Variants in RIT2 observed in about 807,000 individuals in gnomAD.
The protein encoded by RIT2 is Ras like without CAAX 2.
RIT2 carries 24 observed loss-of-function variants against 23.7 expected under a neutral mutation model. The ratio of observed to expected loss-of-function variants is 1.01; its 90% CI spans 0.73 to 1.43. RIT2 has a LOEUF of 1.43. RIT2 is among the 40% of genes most tolerant of loss of function. RIT2 has a pLI of 0.00. For synonymous variants in RIT2, 107 were observed against 91.1 expected (o/e 1.17, Z -0.99); for missense variants, 236 against 266.9 (o/e 0.88, Z 0.81).
chr18:42,784,772 C>T (rs528251717), intron 4 of RIT2, among the ~76,000 whole-genome samples: 8 of 152,146 alleles, frequency 5.3e-5, no homozygotes, highest in African/African-American at 1.9e-4. Context: ...TTGAATTACC[C>T]TAGCATTCTT....
intron 2 of RIT2, among the ~76,000 whole-genome samples, chr18:42,988,412 C>G (rs1297829972): frequency 6.6e-6 from 1 of 152,072 alleles, no homozygotes; most frequent in Non-Finnish European, 1.5e-5. Flanking sequence ...CAGATAATGA[C>G]AATTTCTAGA....
chr18:42,876,719 T>C (rs1043115151), intron 4 of RIT2, among the ~76,000 whole-genome samples: 5 of 151,768 alleles, frequency 3.3e-5, no homozygotes, highest in African/African-American at 1.2e-4. Flanking sequence ...TTCTAATAAG[T>C]AATAGCCAAG....
At chr18:42,788,083 A>G (rs1248043410) in intron 4 of RIT2, among the ~76,000 whole-genome samples, 3 of 152,068 alleles carry the variant, frequency 2.0e-5, no homozygotes, top group Admixed American at 2.0e-4. Context: ...TTTATATGTT[A>G]ACATAAATAA....
At chr18:42,799,856 A>G (rs1905475929) in intron 4 of RIT2, among the ~76,000 whole-genome samples, 1 of 152,216 alleles carries the variant, frequency 6.6e-6, no homozygotes, top group Non-Finnish European at 1.5e-5. Flanking sequence ...ACCTCAACAC[A>G]AAGCAGCCTT....
At chr18:42,847,678 G>T (rs1208922100) in intron 4 of RIT2, among the ~76,000 whole-genome samples, 2 of 151,782 alleles carry the variant, frequency 1.3e-5, no homozygotes, top group Non-Finnish European at 2.9e-5. Flanking sequence ...TATTTTTACT[G>T]CTGGAGAGAT....
chr18:42,846,963 C>T (rs1263472999), intron 4 of RIT2, among the ~76,000 whole-genome samples: 1 of 152,092 alleles, frequency 6.6e-6, no homozygotes, highest in Admixed American at 6.6e-5. Flanking sequence ...CGGGTTTTCA[C>T]TCTGGTATAA....
chr18:42,930,956 T>C (rs1346461365), intron 3 of RIT2, among the ~76,000 whole-genome samples: 3 of 152,148 alleles, frequency 2.0e-5, no homozygotes, highest in African/African-American at 7.2e-5. Context: ...TTTATAAAAA[T>C]GGTTTTTGAC....
intron 1 of RIT2, among the ~76,000 whole-genome samples, chr18:43,053,034 C>T (rs1332671771): frequency 1.3e-5 from 2 of 152,036 alleles, no homozygotes; most frequent in Non-Finnish European, 1.5e-5. Flanking sequence ...ACAGGAAACA[C>T]TATTTGAATC....
At chr18:42,848,416 A>G (rs972619479) in intron 4 of RIT2, among the ~76,000 whole-genome samples, 12 of 152,062 alleles carry the variant, frequency 7.9e-5, no homozygotes, top group African/African-American at 2.9e-4. Flanking sequence ...GTGTATACCT[A>G]TTTTCCTGTA....
intron 2 of RIT2, among the ~76,000 whole-genome samples, chr18:42,979,147 GT>G (rs1910539245): frequency 2.6e-5 from 4 of 151,920 alleles, no homozygotes; most frequent in Admixed American, 2.0e-4. Flanking sequence ...GAAATATAAA[GT>G]TTTTGATTAA....
intron 4 of RIT2, among the ~76,000 whole-genome samples, chr18:42,907,224 G>A (rs1908646855): frequency 6.6e-6 from 1 of 152,110 alleles, no homozygotes; most frequent in African/African-American, 2.4e-5. Context: ...AAGTGCATAA[G>A]GAAAATCACT....
intron 4 of RIT2, among the ~76,000 whole-genome samples, chr18:42,806,228 G>T (rs1462280816): frequency 6.6e-6 from 1 of 151,112 alleles, no homozygotes; most frequent in East Asian, 2.0e-4. Context: ...CAGCACTTTG[G>T]GAGGCTGAGA....
intron 4 of RIT2, among the ~76,000 whole-genome samples, chr18:42,826,684 T>C (rs1906306493): frequency 6.6e-6 from 1 of 152,136 alleles, no homozygotes; most frequent in Non-Finnish European, 1.5e-5. Context: ...ATAAAAATGT[T>C]ATTTACTGAC....
chr18:42,895,190 T>TC (rs1908291082), intron 4 of RIT2, among the ~76,000 whole-genome samples: 1 of 152,226 alleles, frequency 6.6e-6, no homozygotes, highest in South Asian at 2.1e-4. Flanking sequence ...TGTTTTTTTT[T>TC]CTAGTAATTC....
intron 4 of RIT2, among the ~76,000 whole-genome samples, chr18:42,874,318 G>A (rs905551464): frequency 6.2e-4 from 95 of 152,006 alleles, no homozygotes; most frequent in African/African-American, 1.7e-3. Context: ...GCTTAATATT[G>A]TAATTTAATT....
intron 3 of RIT2, among the ~76,000 whole-genome samples, chr18:42,967,013 A>C (rs1221023043): frequency 6.6e-6 from 1 of 152,134 alleles, no homozygotes; most frequent in East Asian, 1.9e-4. Context: ...CATTTATATA[A>C]TCTAAATCCT....
intron 1 of RIT2, among the ~76,000 whole-genome samples, chr18:43,048,562 G>A (rs1402532042): frequency 2.0e-5 from 3 of 152,128 alleles, no homozygotes; most frequent in Non-Finnish European, 4.4e-5. Flanking sequence ...CTATGGGGTT[G>A]TTATGAAAAG....
chr18:42,794,788 C>A (rs905756149), intron 4 of RIT2, among the ~76,000 whole-genome samples: 1 of 152,082 alleles, frequency 6.6e-6, no homozygotes, highest in Non-Finnish European at 1.5e-5. Flanking sequence ...TGTTATTTAT[C>A]AAAAGAGGAA....
At chr18:43,029,137 T>A (rs990532203) in intron 2 of RIT2, among the ~76,000 whole-genome samples, 1 of 152,196 alleles carries the variant, frequency 6.6e-6, no homozygotes, top group Non-Finnish European at 1.5e-5. Flanking sequence ...ATATATAGCA[T>A]TTTATTCTTT....
Sources: allele counts gnomAD v4.1 joint callset (sites outside exome capture counted in the v4.1 genomes callset), GRCh38; gene constraint gnomAD v4.1.1; transcripts MANE v1.5; gene names NCBI Gene and HGNC (gene_info 2026-07-23, HGNC 2026-07-21).